VPS13A: variants seen among roughly 807,000 people sequenced by gnomAD.
The protein encoded by VPS13A is vacuolar protein sorting 13 homolog A.
In VPS13A, 264 loss-of-function variants were observed where a neutral mutation model predicts 390.9. The ratio of observed to expected loss-of-function variants is 0.68; its 90% CI spans 0.61 to 0.75. The LOEUF (loss-of-function observed/expected upper bound fraction) is 0.75, where lower values mean the gene tolerates loss of function less well. VPS13A is among the 30% of genes least tolerant of loss of function. The probability of loss-of-function intolerance (pLI) is 0.00; values close to 1 mark genes in which losing one functional copy is unlikely to be tolerated. For synonymous variants in VPS13A, 1,231 were observed against 1,227.1 expected, an observed-to-expected ratio of 1.00 and a Z score of -0.07; for missense variants, 3,409 against 3,733.9, an observed-to-expected ratio of 0.91 and a Z score of 2.27.
At position 77,360,677 on chromosome 9, in the gene VPS13A, T is replaced by C. The variant is rs761325191; in HGVS notation, c.8211+36T>C. The C allele has an allele frequency of 9.0e-6, 13 of 1,445,936 alleles. No individual in the cohort carries two copies. In the South Asian group the frequency reaches 1.3e-4, roughly 14 times the overall value. The allele number at this position is 1,445,936 out of a possible 1,614,324, so 89.6% of individuals were successfully genotyped here. A position where few individuals can be genotyped will look rare whatever the true frequency, so the allele number is the denominator to read the frequency against. ...AAATAATAACATTTGATGGAAAGGA[T>C]TAGGGAAAAGATATTATTATAAATT... On this transcript the variant is annotated intron_variant, in intron 59 of 71. Coordinates refer to ENST00000360280, the MANE Select transcript of VPS13A (RefSeq NM_033305.3).
Position 77,240,414 on chromosome 9 carries a change from T to G in VPS13A, c.1900+2028T>G, listed in dbSNP as rs1372053746. ...GAAGTTCATTTGTAAACTTCCCTTG[T>G]AAATATTTTCTCTTGTAAGAATCTG... is the stretch of plus-strand genomic sequence containing the variant. On this transcript the variant is annotated intron_variant, in intron 19 of 71. Coordinates refer to ENST00000360280, the MANE Select transcript of VPS13A (RefSeq NM_033305.3). Among the ~76,000 whole-genome samples, 7 of 151,492 alleles carry G rather than the reference T, an allele frequency of 4.6e-5. No individual in the cohort carries two copies. The East Asian group carries it at 1.2e-3, about 25-fold the overall frequency.
chr9:77,403,316 C>T lies in VPS13A; in HGVS notation c.9270C>T (p.Thr3090=). The change falls in exon 69 of 72, where the codon ACC becomes ACT. Residue 3090 remains threonine, a synonymous_variant. Transcript: ENST00000360280. ...MINKTDMLMI[T]RRGVLFVTKG... is the part of the protein sequence containing the mutation. ...ATAAGACAGATATGCTAATGATAACCAGACGGTAACTTGCTTTCTTTCTCT... is the reference window on the plus strand; with the variant it reads ...ATAAGACAGATATGCTAATGATAACTAGACGGTAACTTGCTTTCTTTCTCT... 6.2e-7 allele frequency: 1 copy of T among 1,610,018 alleles called. No individual in the cohort carries two copies. The highest frequency in any genetic ancestry group is 8.5e-7 in the Non-Finnish European group (1 of 1,178,496).
At chr9:77,336,049 C>A (rs568920487) in intron 46 of VPS13A, among the ~76,000 whole-genome samples, 1 of 152,260 alleles carries the variant, frequency 6.6e-6, no homozygotes, top group South Asian at 2.1e-4. Context: ...AGTTCATGTC[C>A]TTTGCAGGGA....
chr9:77,193,636 A>G (rs905854278), intron 1 of VPS13A, among the ~76,000 whole-genome samples: 6 of 152,158 alleles, frequency 3.9e-5, no homozygotes, highest in African/African-American at 1.4e-4. Context: ...TCTCTCTTCA[A>G]AAAAATAAAT....
rs570780506 is a variant in VPS13A at position 77,381,146 on chromosome 9, G to T, written c.9078-830G>T. Among the ~76,000 whole-genome samples, 20 of 152,164 alleles carry T rather than the reference G, an allele frequency of 1.3e-4. No individual in the cohort carries two copies. In the South Asian group the frequency reaches 3.9e-3, roughly 30 times the overall value. On this transcript the variant is annotated intron_variant, in intron 67 of 71. Coordinates refer to ENST00000360280, the MANE Select transcript of VPS13A (RefSeq NM_033305.3). The stretch of plus-strand genomic sequence containing the variant: ...AGCCGTATGTGGTATGTGTTTTTTG[G>T]TTTTTTGTTTGTTTTTAGACAGGGT...
chr9:77,353,348 G>A, intron 53 of VPS13A, 61 bp from the exon 54 acceptor site: 2 of 1,304,688 alleles, frequency 1.5e-6, no homozygotes, highest in Non-Finnish European at 2.1e-6. Context: ...TAAATTTCAT[G>A]TTCTTTGGGA....
At chr9:77,325,852 A>G (rs1829992835) in intron 45 of VPS13A, among the ~76,000 whole-genome samples, 1 of 152,104 alleles carries the variant, frequency 6.6e-6, no homozygotes, top group Non-Finnish European at 1.5e-5. Context: ...CCATAATACA[A>G]GTTACTATTT....
At position 77,420,136 on chromosome 9, in the gene VPS13A, A is replaced by ATTGT. The variant is rs1323594473; in HGVS notation, c.*4132_*4135dup. 6.6e-6 allele frequency: 1 copy of ATTGT among 152,198 alleles called. No homozygotes were observed. The highest frequency in any genetic ancestry group is 2.4e-5 in the African/African-American group (1 of 41,456). 9.4% of individuals were successfully genotyped at this position (152,198 alleles called of 1,614,324 possible). A position where few individuals can be genotyped will look rare whatever the true frequency, so the allele number is the denominator to read the frequency against. On this transcript the variant is annotated 3_prime_UTR_variant, in exon 72 of 72. Coordinates refer to ENST00000360280, the MANE Select transcript of VPS13A (RefSeq NM_033305.3). ...AAGTATACTTTTGAAATTATACCTT[A>ATTGT]TTGTTAATGGCAACCTAATCAAGCT...
intron 67 of VPS13A, among the ~76,000 whole-genome samples, chr9:77,380,324 A>G (rs1257715609): frequency 2.0e-5 from 3 of 151,050 alleles, no homozygotes; most frequent in Non-Finnish European, 4.4e-5. Flanking sequence ...TTATGTATTT[A>G]TTTTTTGAGA....
rs556175140 is a variant in VPS13A at position 77,351,158 on chromosome 9, C to T, written c.7290-159C>T. On this transcript the variant is annotated intron_variant, in intron 52 of 71. Coordinates refer to ENST00000360280, the MANE Select transcript of VPS13A (RefSeq NM_033305.3). ...TAATGAGAAATATTCATTAGTGAAC[C>T]CTTTTTTAATTGTATAAGGTAAGAA... 2.2e-4 allele frequency: 183 copies of T among 826,168 alleles called. 3 individuals carry two copies. The highest frequency in any genetic ancestry group is 2.0e-3 in the South Asian group (112 of 57,002). 51.2% of individuals were successfully genotyped at this position (826,168 alleles called of 1,614,324 possible). A position where few individuals can be genotyped will look rare whatever the true frequency, so the allele number is the denominator to read the frequency against.
chr9:77,384,773 A>C, intron 68 of VPS13A: 1 of 1,521,902 alleles, frequency 6.6e-7, no homozygotes. Flanking sequence ...ATTTATAGGG[A>C]GGTAAAACAC....
At chr9:77,275,405 C>A in intron 24 of VPS13A, 93 bp from the exon 25 acceptor site, 1 of 1,187,654 alleles carries the variant, frequency 8.4e-7, no homozygotes, top group Non-Finnish European at 1.2e-6. Context: ...AAAAGAGAGC[C>A]TTAGTGTTTT....
intron 10 of VPS13A, among the ~76,000 whole-genome samples, chr9:77,217,383 T>C (rs1016847697): frequency 6.6e-6 from 1 of 152,176 alleles, no homozygotes; most frequent in Non-Finnish European, 1.5e-5. Context: ...AGTAGTGAAG[T>C]CTAGGCTTTC....
intron 20 of VPS13A, among the ~76,000 whole-genome samples, chr9:77,249,030 C>A (rs1824998396): frequency 6.6e-6 from 1 of 152,190 alleles, no homozygotes; most frequent in South Asian, 2.1e-4. Flanking sequence ...CCGCGCCTGG[C>A]CTGTATTTGA....
chr9:77,200,047 C>T, intron 2 of VPS13A, 59 bp downstream of exon 2: 1 of 1,378,574 alleles, frequency 7.3e-7, no homozygotes, highest in Admixed American at 1.9e-5. Context: ...TATAATTCTT[C>T]CTGATTCAGT....
chr9:77,401,761 A>G (rs1278107256), intron 68 of VPS13A, among the ~76,000 whole-genome samples: 1 of 152,212 alleles, frequency 6.6e-6, no homozygotes, highest in African/African-American at 2.4e-5. Flanking sequence ...TAGTCCTGTC[A>G]TTTCCACAGT....
intron 17 of VPS13A, among the ~76,000 whole-genome samples, chr9:77,234,431 C>T (rs919077685): frequency 2.6e-5 from 4 of 152,166 alleles, no homozygotes; most frequent in Admixed American, 1.3e-4. Context: ...TCACTTTCAA[C>T]CCATATGTGT....
intron 1 of VPS13A, among the ~76,000 whole-genome samples, chr9:77,193,368 T>TAGTGTA (rs1824797188): frequency 6.6e-6 from 1 of 152,212 alleles, no homozygotes; most frequent in Non-Finnish European, 1.5e-5. Context: ...GTACAGTGGC[T>TAGTGTA]CACACCTGTA....
At chr9:77,273,016 A>T (rs908589527) in intron 23 of VPS13A, among the ~76,000 whole-genome samples, 4 of 152,304 alleles carry the variant, frequency 2.6e-5, no homozygotes, top group African/African-American at 7.2e-5. Flanking sequence ...AAAATATAAG[A>T]TCTGTTTCTA....
Sources: gnomAD v4.1 joint callset for allele counts (sites outside exome capture counted in the v4.1 genomes callset) on GRCh38, gnomAD v4.1.1 for gene constraint, MANE v1.5 for transcripts, NCBI Gene and HGNC (gene_info 2026-07-23, HGNC 2026-07-21) for gene names.